The following DLX6 variants were observed in gnomAD, a reference collection of about 807,000 sequenced individuals.
DLX6 encodes the protein homeobox protein DLX-6.
DLX6 carries 4 observed loss-of-function variants against 33.5 expected under a neutral mutation model. The observed-to-expected ratio is 0.12, with a 90% confidence interval of 0.06 to 0.27. The LOEUF (loss-of-function observed/expected upper bound fraction) is 0.27, where lower values mean the gene tolerates loss of function less well. Ranked by LOEUF, DLX6 falls within the 10% of genes least tolerant of loss-of-function variation. The pLI is 1.00. For missense variants in DLX6, 382 were observed against 393.3 expected, an observed-to-expected ratio of 0.97 and a Z score of 0.24; for synonymous variants, 184 against 164.8, an observed-to-expected ratio of 1.12 and a Z score of -0.89.
chr7:97,009,943 T>A lies in DLX6; in HGVS notation c.778T>A (p.Ser260Thr). The change falls in exon 3 of 3, where the codon TCG becomes ACG. Residue 260 changes from serine (S) to threonine (T), a missense_variant. Physicochemically the swap from Ser to Thr is moderately conservative, Grantham distance 58. Transcript: ENST00000518156. ...GCCTCCAGTCTGGGACGTTTCTGCCTCGGCCAAGGGTGTCAGTATGCCCCC... is the reference window on the plus strand; with the variant it reads ...GCCTCCAGTCTGGGACGTTTCTGCCACGGCCAAGGGTGTCAGTATGCCCCC... Reference protein sequence around the residue: ...ALPPVWDVSASAKGVSMPPNS... With the variant: ...ALPPVWDVSATAKGVSMPPNS... 15 of 1,613,926 alleles carry A rather than the reference T, an allele frequency of 9.3e-6. No individual in the cohort carries two copies. The highest frequency in any genetic ancestry group is 1.3e-5 in the Non-Finnish European group (15 of 1,179,844).
At position 97,006,192 on chromosome 7, in the gene DLX6, A is replaced by G; in HGVS notation, c.215A>G (p.His72Arg). ...ATGGCAGGCGCGCACTACCCTCTGCACTGCCTGCACTCGGCGGCGGCGGCG... is the reference window on the plus strand; with the variant it reads ...ATGGCAGGCGCGCACTACCCTCTGCGCTGCCTGCACTCGGCGGCGGCGGCG... Reference protein sequence around the residue: ...PAMAGAHYPLHCLHSAAAAAA... With the variant: ...PAMAGAHYPLRCLHSAAAAAA... The change falls in exon 1 of 3, where the codon CAC (histidine) becomes CGC (arginine). Residue 72 changes from histidine (H) to arginine (R), a missense_variant. His to Arg is a conservative substitution (Grantham distance 29). Around this residue, in one of 4 missense-constraint regions of DLX6, gnomAD observed 257 missense variants for 206.9 expected, o/e 1.24. Coordinates refer to ENST00000518156, the MANE Select transcript of DLX6 (RefSeq NM_005222.4). The G allele has an allele frequency of 4.0e-6, 6 of 1,515,694 alleles. No homozygotes were observed. Among genetic ancestry groups the G allele is most frequent in the East Asian group, 2.7e-5 (1 of 37,474 alleles). The allele number at this position is 1,515,694 out of a possible 1,614,324, so 93.9% of individuals were successfully genotyped here. A position where few individuals can be genotyped will look rare whatever the true frequency, so the allele number is the denominator to read the frequency against.
chr7:97,006,312 C>T lies in DLX6; in HGVS notation c.335C>T (p.Ser112Leu). Residue 112 changes from serine to leucine, a missense_variant, in exon 1 of 3, where the codon TCG becomes TTG. By Grantham distance (145) the Ser-to-Leu change is moderately radical (BLOSUM62 -2). This residue lies in a region of DLX6 where 257 missense variants were observed against 206.9 expected (regional missense o/e 1.24). Transcript: ENST00000518156. ...GGAGGGAACTCCTACAACCACCGCTCGCTCGCCGCCTACCCCTACATGAGC... is the reference window on the plus strand; with the variant it reads ...GGAGGGAACTCCTACAACCACCGCTTGCTCGCCGCCTACCCCTACATGAGC... Reference protein sequence around the residue: ...SGGGNSYNHRSLAAYPYMSHS... With the variant: ...SGGGNSYNHRLLAAYPYMSHS... 1 of 1,524,318 alleles carries T rather than the reference C, an allele frequency of 6.6e-7. No homozygotes were observed. The highest frequency in any genetic ancestry group is 8.8e-7 in the Non-Finnish European group (1 of 1,133,190). 94.4% of individuals were successfully genotyped at this position (1,524,318 alleles called of 1,614,324 possible).
In DLX6 at chr7:97,010,877, A is replaced by G. The variant is rs1285284586; in HGVS notation, c.*830A>G. ...AGGAAACAATCAAAATCACCATTCT[A>G]TTGCTTTGACACCTTTACTAGGTGA... On this transcript the variant is annotated 3_prime_UTR_variant, in exon 3 of 3. Transcript: ENST00000518156. The G allele has an allele frequency of 7.4e-6, 1 of 134,694 alleles. No homozygotes were observed. The highest frequency in any genetic ancestry group is 1.5e-5 in the Non-Finnish European group (1 of 65,774). 8.3% of individuals were successfully genotyped at this position (134,694 alleles called of 1,614,324 possible).
At chr7:97,008,486 G>A (rs1322402978) in intron 2 of DLX6, among the ~76,000 whole-genome samples, 1 of 152,198 alleles carries the variant, frequency 6.6e-6, no homozygotes, top group Admixed American at 6.5e-5. Context: ...GGAGATCAAA[G>A]AGAAATGTTA....
chr7:97,009,253 T>C (rs193033728), intron 2 of DLX6, among the ~76,000 whole-genome samples: 2 of 152,386 alleles, frequency 1.3e-5, no homozygotes, highest in Non-Finnish European at 2.9e-5. Context: ...CATTTAGTTA[T>C]AAATGTACAG....
chr7:97,007,085 G>A, intron 1 of DLX6: 1 of 169,128 alleles, frequency 5.9e-6, no homozygotes, highest in Non-Finnish European at 1.3e-5. Context: ...GGACAAAGTT[G>A]CCGTGAGAGG....
rs1487402767 is a variant in DLX6, at chr7:97,006,402, G to A, written c.425G>A (p.Gly142Glu). ...AGCAGCGCAGCCGCCCAGACGCGAG[G>A]GGACGACACAGGTGAGAGGCCGCTG... ...HNSSAAAQTRGDDTDQQKTTV... is the reference protein window; with the variant it reads ...HNSSAAAQTREDDTDQQKTTV... Residue 142 changes from glycine (G) to glutamate (E), a missense_variant, in exon 1 of 3, where the codon GGG becomes GAG. Physicochemically the swap from Gly to Glu is moderately conservative, Grantham distance 98. This residue lies in a region of DLX6 where 257 missense variants were observed against 206.9 expected (regional missense o/e 1.24). Transcript: ENST00000518156. 1 of 1,415,850 alleles carries A rather than the reference G, an allele frequency of 7.1e-7. No individual in the cohort carries two copies. The highest frequency in any genetic ancestry group is 9.3e-7 in the Non-Finnish European group (1 of 1,071,982). The allele number at this position is 1,415,850 out of a possible 1,614,324, so 87.7% of individuals were successfully genotyped here.
At chr7:97,007,351 C>T (rs1481420076) in intron 1 of DLX6, 1 of 598,656 alleles carries the variant, frequency 1.7e-6, no homozygotes, top group Non-Finnish European at 3.0e-6. Context: ...CAGAGAGCCT[C>T]CGGCACCGCC....
At position 97,008,762 on chromosome 7, in the gene DLX6, TTGTG is replaced by T. The variant is rs368518062; in HGVS notation, c.630+935_630+938del. On this transcript the variant is annotated intron_variant, in intron 2 of 2. Coordinates refer to ENST00000518156, the MANE Select transcript of DLX6 (RefSeq NM_005222.4). The stretch of plus-strand genomic sequence containing the variant: ...TTATGAGACTGTTGCTGCAGACTGA[TTGTG>T]TGTTGACTTAAGACAGTTGTTCCTT... 6.6e-5 allele frequency among the ~76,000 whole-genome samples: 10 copies of T among 152,316 alleles called. No individual in the cohort carries two copies. The South Asian group carries it at 2.1e-3, about 32-fold the overall frequency.
chr7:97,006,590 C>G, intron 1 of DLX6, 177 bp downstream of exon 1: 2 of 424,368 alleles, frequency 4.7e-6, no homozygotes, highest in Middle Eastern at 9.2e-4. Context: ...GCCGGCCTCT[C>G]CCAGCCGGGC....
intron 1 of DLX6, 38 bp from the exon 2 acceptor site, chr7:97,007,600 C>T (rs1307947093): frequency 6.4e-7 from 1 of 1,569,188 alleles, no homozygotes; most frequent in Non-Finnish European, 8.7e-7. Context: ...CAGCAGTAGC[C>T]TCCCGGGTGA....
intron 1 of DLX6, chr7:97,007,430 T>C: frequency 1.6e-6 from 1 of 619,448 alleles, no homozygotes; most frequent in African/African-American, 1.8e-5. Flanking sequence ...CGCTGCACAT[T>C]GTTCGGGCCA....
In DLX6 at chr7:97,010,094, G is replaced by A; in HGVS notation, c.*47G>A. On this transcript the variant is annotated 3_prime_UTR_variant, in exon 3 of 3. Coordinates refer to ENST00000518156, the MANE Select transcript of DLX6 (RefSeq NM_005222.4). ...GGGAAACGTCTGAACAAGGAAAAGA[G>A]GATCCGGGACCTGCTTGTATCTGCG... 1 of 1,549,636 alleles carries A rather than the reference G, an allele frequency of 6.5e-7. No individual in the cohort carries two copies.
At position 97,007,775 on chromosome 7, in the gene DLX6, C is replaced by T. The variant is rs776789852; in HGVS notation, c.574C>T (p.Leu192=). Residue 192 remains leucine, a synonymous_variant, in exon 2 of 3, where the codon CTG becomes TTG. Coordinates refer to ENST00000518156, the MANE Select transcript of DLX6 (RefSeq NM_005222.4). ...LNHRFQQTQY[L]ALPERAELAA... is the part of the protein sequence containing the mutation. ...CCATCGCTTTCAGCAGACACAGTAT[C>T]TGGCCCTTCCAGAGAGAGCCGAACT... 7.4e-6 allele frequency: 12 copies of T among 1,612,000 alleles called. No individual in the cohort carries two copies. The highest frequency in any genetic ancestry group is 1.1e-5 in the South Asian group (1 of 90,382).
intron 1 of DLX6, 34 bp from the exon 2 acceptor site, chr7:97,007,604 C>A: frequency 6.3e-7 from 1 of 1,575,566 alleles, no homozygotes; most frequent in Non-Finnish European, 8.6e-7. Flanking sequence ...AGTAGCCTCC[C>A]GGGTGACCGC....
At chr7:97,009,393 C>T (rs1401598124) in intron 2 of DLX6, among the ~76,000 whole-genome samples, 1 of 152,142 alleles carries the variant, frequency 6.6e-6, no homozygotes, top group African/African-American at 2.4e-5. Flanking sequence ...ATTTACATTA[C>T]TAAATTTTAT....
In DLX6 at chr7:97,007,885, G is replaced by A. The variant is rs1385887961; in HGVS notation, c.630+54G>A. The A allele has an allele frequency of 1.1e-5, 16 of 1,482,784 alleles. No individual in the cohort carries two copies. The South Asian group carries it at 1.4e-4, about 13-fold the overall frequency. 91.9% of individuals were successfully genotyped at this position (1,482,784 alleles called of 1,614,324 possible). On this transcript the variant is annotated intron_variant, in intron 2 of 2. Transcript: ENST00000518156. The stretch of plus-strand genomic sequence containing the variant: ...GAAATGCTGGTACCGCTTGCAGATC[G>A]GGCAGGGAGCACATCAGGAGGAATT...
intron 1 of DLX6, chr7:97,007,310 G>C (rs1396287964): frequency 1.7e-6 from 1 of 584,170 alleles, no homozygotes; most frequent in Non-Finnish European, 3.0e-6. Context: ...GCTCCGCCCG[G>C]ACAGCTGCCG....
In DLX6 at chr7:97,006,329, T is replaced by G; in HGVS notation, c.352T>G (p.Tyr118Asp). The change falls in exon 1 of 3, where the codon TAC becomes GAC. Residue 118 changes from tyrosine to aspartate, a missense_variant. Around this residue, in one of 4 missense-constraint regions of DLX6, gnomAD observed 257 missense variants for 206.9 expected, o/e 1.24. Transcript: ENST00000518156. ...YNHRSLAAYP[Y>D]MSHSQHSPYL... ...CCACCGCTCGCTCGCCGCCTACCCCTACATGAGCCACTCGCAGCACAGCCC... is the reference window on the plus strand; with the variant it reads ...CCACCGCTCGCTCGCCGCCTACCCCGACATGAGCCACTCGCAGCACAGCCC... The G allele has an allele frequency of 6.6e-7, 1 of 1,513,956 alleles. No homozygotes were observed. Among genetic ancestry groups the G allele is most frequent in the Non-Finnish European group, 8.9e-7 (1 of 1,127,856 alleles). The allele number at this position is 1,513,956 out of a possible 1,614,324, so 93.8% of individuals were successfully genotyped here. A position where few individuals can be genotyped will look rare whatever the true frequency, so the allele number is the denominator to read the frequency against.
Sources: gnomAD v4.1 joint callset for allele counts (sites outside exome capture counted in the v4.1 genomes callset) on GRCh38, gnomAD v4.1.1 for gene constraint, gnomAD v4.1.1 regional missense constraint, MANE v1.5 for transcripts, NCBI Gene and HGNC (gene_info 2026-07-23, HGNC 2026-07-21) for gene names.